Variants in CNTN3 observed in about 807,000 individuals in gnomAD.
The protein encoded by CNTN3 is contactin-3.
A neutral mutation model predicts 119.1 loss-of-function variants in CNTN3; 60 were observed. That is an observed-to-expected ratio of 0.50 (90% CI 0.41 to 0.62). The LOEUF (loss-of-function observed/expected upper bound fraction) is 0.62. CNTN3 is among the 20% of genes least tolerant of loss of function. The probability of loss-of-function intolerance (pLI) is 0.00; values close to 1 mark genes in which losing one functional copy is unlikely to be tolerated. For missense variants in CNTN3, 1,101 were observed against 1,242.4 expected (o/e 0.89, Z 1.71); for synonymous variants, 450 against 438.7 (o/e 1.03, Z -0.32).
rs564649931 is a variant in CNTN3 at position 74,559,431 on chromosome 3, CAG to C, written c.-80-38241_-80-38240del. On this transcript the variant is annotated intron_variant, in intron 1 of 22. Coordinates refer to ENST00000263665, the MANE Select transcript of CNTN3 (RefSeq NM_020872.3). Reference sequence around the variant, plus strand: ...CATTAGTGCCCGCTCCCCAGCAGCTCAGAGGATTCCTTGTTATCAGGAAGCTT... The same window carrying C: ...CATTAGTGCCCGCTCCCCAGCAGCTCAGGATTCCTTGTTATCAGGAAGCTT... Among the ~76,000 whole-genome samples the C allele has an allele frequency of 3.4e-4, 51 of 152,230 alleles. No individual in the cohort carries two copies. In the East Asian group the frequency reaches 9.9e-3, roughly 29 times the overall value.
chr3:74,503,272 A>T (rs1332166639), intron 2 of CNTN3, among the ~76,000 whole-genome samples: 2 of 152,086 alleles, frequency 1.3e-5, no homozygotes, highest in Non-Finnish European at 2.9e-5. Context: ...TGCTTTTTCA[A>T]CTTCAGTATT....
intron 11 of CNTN3, among the ~76,000 whole-genome samples, chr3:74,354,259 G>A (rs750466873): frequency 1.3e-5 from 2 of 151,996 alleles, no homozygotes; most frequent in Admixed American, 1.3e-4. Flanking sequence ...GAAGCAATGA[G>A]CCATTCTTTT....
At chr3:74,306,214 C>CAAAAAAAAA (rs79818182) in intron 13 of CNTN3, among the ~76,000 whole-genome samples, 1 of 84,208 alleles carries the variant, frequency 1.2e-5, no homozygotes, top group African/African-American at 4.4e-5. Context: ...GAGAAATGTC[C>CAAAAAAAAA]AAAAAAAAAA....
intron 4 of CNTN3, among the ~76,000 whole-genome samples, chr3:74,426,108 A>T (rs1701690826): frequency 6.6e-6 from 1 of 152,170 alleles, no homozygotes; most frequent in Non-Finnish European, 1.5e-5. Flanking sequence ...CATTCTTTCC[A>T]AGTTAAATTA....
At chr3:74,303,363 C>T (rs1289559192) in intron 13 of CNTN3, among the ~76,000 whole-genome samples, 2 of 152,068 alleles carry the variant, frequency 1.3e-5, no homozygotes, top group African/African-American at 4.8e-5. Context: ...AGCATGAACC[C>T]CTCAATAAGA....
intron 11 of CNTN3, among the ~76,000 whole-genome samples, chr3:74,345,996 G>T (rs1426662068): frequency 1.3e-5 from 2 of 152,092 alleles, no homozygotes; most frequent in African/African-American, 4.8e-5. Context: ...TAGGCAACTG[G>T]AACACTGGCA....
At chr3:74,509,128 A>G (rs562716588) in intron 2 of CNTN3, among the ~76,000 whole-genome samples, 7 of 152,170 alleles carry the variant, frequency 4.6e-5, no homozygotes, top group African/African-American at 1.7e-4. Flanking sequence ...ACAGTATGGA[A>G]CAAAATCCCT....
intron 5 of CNTN3, among the ~76,000 whole-genome samples, chr3:74,393,974 G>A (rs1445324795): frequency 6.6e-6 from 1 of 152,122 alleles, no homozygotes; most frequent in Non-Finnish European, 1.5e-5. Flanking sequence ...TAACAAAAAG[G>A]TAAAAGATGA....
At position 74,278,254 on chromosome 3, in the gene CNTN3, T is replaced by TA. The variant is rs951184928; in HGVS notation, c.2704+7050dup. Among the ~76,000 whole-genome samples, 57 of 151,754 alleles carry TA rather than the reference T, an allele frequency of 3.8e-4. 1 individual carries two copies. Among genetic ancestry groups the TA allele is most frequent in the Middle Eastern group, 3.4e-3 (1 of 294 alleles). ...TACCACCATATTCTTCAAAGGATTA[T>TA]AAAAAAAACTCTAAAATTCATATAG... On this transcript the variant is annotated intron_variant, in intron 20 of 22. Coordinates refer to ENST00000263665, the MANE Select transcript of CNTN3 (RefSeq NM_020872.3).
rs773625727 is a variant in CNTN3 at position 74,266,657 on chromosome 3, G to A, written c.2818-8C>T. 1 of 1,611,976 alleles carries A rather than the reference G, an allele frequency of 6.2e-7. No individual in the cohort carries two copies. Among genetic ancestry groups the A allele is most frequent in the Non-Finnish European group, 8.5e-7 (1 of 1,178,602 alleles). On this transcript the variant is annotated splice_region_variant and splice_polypyrimidine_tract_variant and intron_variant, in intron 21 of 22. Coordinates refer to ENST00000263665, the MANE Select transcript of CNTN3 (RefSeq NM_020872.3). ...GCTAGTCCTATAGAAAACCTAAAAT[G>A]CATGAACAAATACACTTACTTGTTA...
Position 74,425,229 on chromosome 3 carries a change from C to A in CNTN3, c.359-289G>T, listed in dbSNP as rs560362185. Among the ~76,000 whole-genome samples, 6 of 152,178 alleles carry A rather than the reference C, an allele frequency of 3.9e-5. 1 individual carries two copies. The South Asian group carries it at 1.2e-3, about 32-fold the overall frequency. The stretch of plus-strand genomic sequence containing the variant: ...CAGGTAGGTAGTTTTCTAATCCTTA[C>A]CCCTCTCCCTTCCTCCCCACTGTAG... On this transcript the variant is annotated intron_variant, in intron 4 of 22. Coordinates refer to ENST00000263665, the MANE Select transcript of CNTN3 (RefSeq NM_020872.3).
At chr3:74,315,021 G>A (rs567443116) in intron 13 of CNTN3, among the ~76,000 whole-genome samples, 1 of 152,274 alleles carries the variant, frequency 6.6e-6, no homozygotes, top group South Asian at 2.1e-4. Context: ...TAGTAAAGAA[G>A]CCAGCTGAAA....
At chr3:74,291,291 A>T (rs896302786) in intron 19 of CNTN3, among the ~76,000 whole-genome samples, 2 of 152,112 alleles carry the variant, frequency 1.3e-5, no homozygotes, top group African/African-American at 4.8e-5. Flanking sequence ...TTCTTAATCC[A>T]GTCTATCATT....
intron 2 of CNTN3, among the ~76,000 whole-genome samples, chr3:74,513,064 T>TGCTTCA (rs58283045): frequency 0.99 from 151,273 of 152,192 alleles, 75,184 homozygotes; most frequent in Middle Eastern, 1. Flanking sequence ...CTAGGAGCTC[T>TGCTTCA]AAAGCTTAAG....
chr3:74,266,385 GGAAA>G (rs1280074854), intron 22 of CNTN3, 92 bp downstream of exon 22: 20 of 1,269,676 alleles, frequency 1.6e-5, no homozygotes, highest in Admixed American at 2.0e-5. Flanking sequence ...AAGCCTTGCT[GGAAA>G]GAAAGAATGG....
chr3:74,365,759 G>C (rs566852800), intron 8 of CNTN3, 57 bp from the exon 9 acceptor site: 1 of 1,545,174 alleles, frequency 6.5e-7, no homozygotes, highest in South Asian at 1.2e-5. Context: ...CAAATAAAAT[G>C]TATTTATTAT....
chr3:74,463,409 C>T (rs983171934), intron 4 of CNTN3, among the ~76,000 whole-genome samples: 8 of 152,056 alleles, frequency 5.3e-5, no homozygotes, highest in Admixed American at 5.2e-4. Context: ...TAACAGAATT[C>T]CTAGCAGCTA....
intron 2 of CNTN3, among the ~76,000 whole-genome samples, chr3:74,504,840 G>C (rs747089212): frequency 6.6e-6 from 1 of 152,090 alleles, no homozygotes; most frequent in Non-Finnish European, 1.5e-5. Flanking sequence ...ACCACTAAAA[G>C]CCCAAGAGGG....
At chr3:74,344,819 G>C (rs1346288985) in intron 11 of CNTN3, among the ~76,000 whole-genome samples, 1 of 151,862 alleles carries the variant, frequency 6.6e-6, no homozygotes, top group Admixed American at 6.6e-5. Flanking sequence ...TGAAAAATCT[G>C]GGAAATCTCT....
Sources: gnomAD v4.1 joint callset for allele counts (sites outside exome capture counted in the v4.1 genomes callset) on GRCh38, gnomAD v4.1.1 for gene constraint, MANE v1.5 for transcripts, NCBI Gene and HGNC (gene_info 2026-07-23, HGNC 2026-07-21) for gene names.